The following DOCK4 variants were observed in gnomAD, a reference collection of about 807,000 sequenced individuals.
The protein encoded by DOCK4 is dedicator of cytokinesis 4, also known as dedicator of cytokinesis protein 4.
DOCK4 carries 97 observed loss-of-function variants against 268.1 expected under a neutral mutation model. The ratio of observed to expected loss-of-function variants is 0.36; its 90% confidence interval spans 0.31 to 0.43. The LOEUF (loss-of-function observed/expected upper bound fraction) is 0.43. Ranked by LOEUF, DOCK4 falls within the 20% of genes least tolerant of loss-of-function variation. The pLI, the probability that DOCK4 is intolerant of heterozygous loss-of-function variation, is 1.00. For missense variants in DOCK4, 2,145 were observed against 2,455.7 expected (o/e 0.87, Z 2.67); for synonymous variants, 954 against 887.2 (o/e 1.08, Z -1.34).
intron 1 of DOCK4, among the ~76,000 whole-genome samples, chr7:112,163,251 A>T (rs557306270): frequency 1.4e-3 from 209 of 152,172 alleles, no homozygotes; most frequent in Non-Finnish European, 2.4e-3. Flanking sequence ...CCTAACCCCC[A>T]TACCCCAGCA....
intron 13 of DOCK4, among the ~76,000 whole-genome samples, chr7:111,913,558 C>T (rs112817395): frequency 3.3e-5 from 5 of 150,316 alleles, no homozygotes; most frequent in African/African-American, 7.3e-5. Flanking sequence ...TACAGGCGCC[C>T]GCCACCACGC....
chr7:112,124,032 T>C (rs1441657303), intron 1 of DOCK4, among the ~76,000 whole-genome samples: 1 of 152,104 alleles, frequency 6.6e-6, no homozygotes, highest in Non-Finnish European at 1.5e-5. Context: ...TAAAAACTTT[T>C]TTTTTTTTTA....
chr7:112,060,996 A>G (rs1806336726), intron 1 of DOCK4, among the ~76,000 whole-genome samples: 1 of 152,230 alleles, frequency 6.6e-6, no homozygotes, highest in African/African-American at 2.4e-5. Context: ...GTAAAAAATT[A>G]GAAAAAGAGA....
intron 29 of DOCK4, 88 bp from the exon 30 acceptor site, chr7:111,808,967 G>A: frequency 7.0e-7 from 1 of 1,424,622 alleles, no homozygotes; most frequent in Non-Finnish European, 9.7e-7. Context: ...CTATCATTCT[G>A]AATTACAAGG....
intron 1 of DOCK4, among the ~76,000 whole-genome samples, chr7:112,100,848 C>A (rs1810613244): frequency 6.6e-6 from 1 of 151,446 alleles, no homozygotes; most frequent in South Asian, 2.1e-4. Context: ...GATACAGATA[C>A]ACACACACAC....
chr7:112,126,445 C>T lies in DOCK4; in HGVS notation c.37+79657G>A, dbSNP rs73715471. Among the ~76,000 whole-genome samples the T allele has an allele frequency of 3.7e-3, 566 of 152,266 alleles. 4 individuals carry two copies. The highest frequency in any genetic ancestry group is 0.013 in the African/African-American group (522 of 41,546). On this transcript the variant is annotated intron_variant, in intron 1 of 52. Coordinates refer to ENST00000428084, the MANE Select transcript of DOCK4 (RefSeq NM_001363540.2). ...AATTCCTCATATTAGATCAGCTCCC[C>T]GCTTAGTGTCTAGTACCAGCAGTCT...
chr7:112,009,841 C>T (rs917326443), intron 1 of DOCK4, among the ~76,000 whole-genome samples: 8 of 152,080 alleles, frequency 5.3e-5, no homozygotes, highest in Non-Finnish European at 7.4e-5. Context: ...TTCTTTGAGA[C>T]AGCGTCTCAC....
rs141430671 is a variant in DOCK4, at chr7:111,933,660, C to A, written c.1066+1880G>T. ...TACATAGTAGTTCCATGTTGTATTT[C>A]ATTTCTCCTGTCTCGTGTGAGTCTT... is the stretch of plus-strand genomic sequence containing the variant. On this transcript the variant is annotated intron_variant, in intron 12 of 52. Transcript: ENST00000428084. Among the ~76,000 whole-genome samples the A allele has an allele frequency of 1.5e-4, 23 of 152,128 alleles. No homozygotes were observed. In the East Asian group the frequency reaches 3.7e-3, roughly 24 times the overall value.
At chr7:112,061,454 G>C (rs1000665242) in intron 1 of DOCK4, among the ~76,000 whole-genome samples, 2 of 152,082 alleles carry the variant, frequency 1.3e-5, no homozygotes. Context: ...CAAGACAGAT[G>C]CCCAGGAGCA....
intron 13 of DOCK4, among the ~76,000 whole-genome samples, chr7:111,913,537 G>T (rs1185153043): frequency 3.6e-4 from 53 of 146,006 alleles, no homozygotes; most frequent in Admixed American, 4.1e-4. Context: ...AGCCTCCCGA[G>T]TAGCTGGGAC....
At chr7:111,990,946 C>A (rs1020542908) in intron 5 of DOCK4, among the ~76,000 whole-genome samples, 6 of 152,178 alleles carry the variant, frequency 3.9e-5, no homozygotes, top group African/African-American at 1.4e-4. Context: ...GCGATACAAA[C>A]ACTTGAGGAA....
At chr7:111,760,054 G>T in intron 40 of DOCK4, 127 bp downstream of exon 40, 1 of 1,174,266 alleles carries the variant, frequency 8.5e-7, no homozygotes, top group Non-Finnish European at 1.2e-6. Context: ...AAGATGATGG[G>T]AAAGAGGGAG....
At chr7:112,143,007 T>C (rs1815079033) in intron 1 of DOCK4, among the ~76,000 whole-genome samples, 1 of 151,958 alleles carries the variant, frequency 6.6e-6, no homozygotes, top group African/African-American at 2.4e-5. Flanking sequence ...TCTCTAAGGG[T>C]GGATAAGTGG....
Position 111,989,096 on chromosome 7 carries a change from T to G in DOCK4, c.383A>C (p.Gln128Pro). The G allele has an allele frequency of 6.2e-7, 1 of 1,614,040 alleles. No homozygotes were observed. The highest frequency in any genetic ancestry group is 8.5e-7 in the Non-Finnish European group (1 of 1,179,896). ...IMNEILDLRR[Q>P]VLVGHLTHDR... The stretch of plus-strand genomic sequence containing the variant: ...GTGGGTGAGGTGGCCCACCAGCACC[T>G]GCCGCCTCAGGTCCAGGATTTCATT... The change falls in exon 6 of 53, where the codon CAG (glutamine) becomes CCG (proline). Residue 128 changes from glutamine to proline, a missense_variant. By Grantham distance (76) the Gln-to-Pro change is moderately conservative. Transcript: ENST00000428084.
chr7:112,155,679 A>C (rs56663593), intron 1 of DOCK4, among the ~76,000 whole-genome samples: 2,596 of 152,296 alleles, frequency 0.017, 80 homozygotes, highest in African/African-American at 0.06. Context: ...TGTGGACCCC[A>C]GAGTTCAAAA....
At chr7:112,200,727 A>AAAAT (rs1401918175) in intron 1 of DOCK4, among the ~76,000 whole-genome samples, 20 of 118,414 alleles carry the variant, frequency 1.7e-4, no homozygotes, top group Non-Finnish European at 6.7e-5. Flanking sequence ...CTCTAAAATA[A>AAAAT]AAAAAAAAAA....
At chr7:111,794,185 G>A (rs1487494875) in intron 30 of DOCK4, among the ~76,000 whole-genome samples, 1 of 152,178 alleles carries the variant, frequency 6.6e-6, no homozygotes, top group Admixed American at 6.5e-5. Context: ...GCATGAGTGA[G>A]AGTAAACACT....
intron 26 of DOCK4, among the ~76,000 whole-genome samples, chr7:111,833,794 T>C (rs964434460): frequency 6.6e-6 from 1 of 152,216 alleles, no homozygotes; most frequent in African/African-American, 2.4e-5. Flanking sequence ...CCTAAGGCAC[T>C]GGGAAGGCTT....
rs917972493 is a variant in DOCK4, at chr7:111,754,049, G to A, written c.4416+1466C>T. Reference sequence around the variant, plus strand: ...TTCACAGGATTTAATGCTCTGGGTAGTAAGTAGCTAAAGGCTCTCTGAATC... The same window carrying A: ...TTCACAGGATTTAATGCTCTGGGTAATAAGTAGCTAAAGGCTCTCTGAATC... On this transcript the variant is annotated intron_variant, in intron 42 of 52. Coordinates refer to ENST00000428084, the MANE Select transcript of DOCK4 (RefSeq NM_001363540.2). Among the ~76,000 whole-genome samples the A allele has an allele frequency of 3.9e-5, 6 of 152,360 alleles. 1 individual carries two copies. Among genetic ancestry groups the A allele is most frequent in the Admixed American group, 3.9e-4 (6 of 15,310 alleles).
Sources: gnomAD v4.1 joint callset for allele counts (sites outside exome capture counted in the v4.1 genomes callset) on GRCh38, gnomAD v4.1.1 for gene constraint, MANE v1.5 for transcripts, NCBI Gene and HGNC (gene_info 2026-07-23, HGNC 2026-07-21) for gene names.